The following TMEM132C variants were observed in gnomAD, a reference collection of about 807,000 sequenced individuals.
TMEM132C encodes transmembrane protein 132C.
A neutral mutation model predicts 61.4 loss-of-function variants in TMEM132C; 29 were observed. That is an observed-to-expected ratio of 0.47 (90% CI 0.35 to 0.64). The LOEUF is 0.64. TMEM132C is among the 30% of genes least tolerant of loss of function. The pLI, the probability that TMEM132C is intolerant of heterozygous loss-of-function variation, is 0.00. For synonymous variants in TMEM132C, 656 were observed against 633.1 expected (o/e 1.04, Z -0.54); for missense variants, 1,408 against 1,476.9 (o/e 0.95, Z 0.76).
intron 2 of TMEM132C, among the ~76,000 whole-genome samples, chr12:128,519,410 A>G (rs139944595): frequency 7.2e-5 from 11 of 152,342 alleles, no homozygotes; most frequent in African/African-American, 1.9e-4. Flanking sequence ...TCATCCTTAC[A>G]GTGAAGGCTG....
chr12:128,349,542 C>T (rs914135927), intron 1 of TMEM132C, among the ~76,000 whole-genome samples: 2 of 152,156 alleles, frequency 1.3e-5, no homozygotes, highest in African/African-American at 4.8e-5. Context: ...CCCTAAAATT[C>T]TATGAATATT....
At chr12:128,407,573 A>T (rs571880412) in intron 1 of TMEM132C, among the ~76,000 whole-genome samples, 3 of 152,152 alleles carry the variant, frequency 2.0e-5, no homozygotes, top group Non-Finnish European at 2.9e-5. Context: ...GGGCTGCCTG[A>T]TGCAGGATGG....
chr12:128,377,730 C>T lies in TMEM132C; in HGVS notation c.86-37002C>T, dbSNP rs141694264. Among the ~76,000 whole-genome samples the T allele has an allele frequency of 7.8e-3, 1,186 of 152,310 alleles. 17 individuals carry two copies. The highest frequency in any genetic ancestry group is 0.025 in the African/African-American group (1,048 of 41,560). On this transcript the variant is annotated intron_variant, in intron 1 of 8. Transcript: ENST00000435159. ...GTTTGTAAACCATCCCCGTCCTCTC[C>T]GCTGCCCAGCTCCTCATTGTTAGGT...
rs1431553729 is a variant in TMEM132C at position 128,267,505 on chromosome 12, G to C, written c.85+18G>C. 17 of 1,235,696 alleles carry C rather than the reference G, an allele frequency of 1.4e-5. No individual in the cohort carries two copies. Among genetic ancestry groups the C allele is most frequent in the South Asian group, 3.4e-5 (1 of 29,528 alleles). 76.5% of individuals were successfully genotyped at this position (1,235,696 alleles called of 1,614,324 possible). A position where few individuals can be genotyped will look rare whatever the true frequency, so the allele number is the denominator to read the frequency against. Reference sequence around the variant, plus strand: ...GGGCAAAGGTAAGGCCGGGGCGGGTGCCTGGCGCGCCGACGCATGCGAACT... The same window carrying C: ...GGGCAAAGGTAAGGCCGGGGCGGGTCCCTGGCGCGCCGACGCATGCGAACT... On this transcript the variant is annotated intron_variant, in intron 1 of 8. Transcript: ENST00000435159.
chr12:128,692,665 G>C (rs749903501), intron 5 of TMEM132C, among the ~76,000 whole-genome samples: 1 of 152,104 alleles, frequency 6.6e-6, no homozygotes, highest in South Asian at 2.1e-4. Flanking sequence ...GTCACAGTCC[G>C]CCCAGGTTAC....
chr12:128,540,075 A>T (rs1453486165), intron 2 of TMEM132C, among the ~76,000 whole-genome samples: 1 of 151,902 alleles, frequency 6.6e-6, no homozygotes, highest in Admixed American at 6.6e-5. Flanking sequence ...CTTCTTAGGA[A>T]ATTTCCTCAA....
chr12:128,530,723 A>G (rs897458531), intron 2 of TMEM132C, among the ~76,000 whole-genome samples: 1 of 152,202 alleles, frequency 6.6e-6, no homozygotes, highest in Non-Finnish European at 1.5e-5. Context: ...GATTATAGGC[A>G]TGAGCCACCA....
chr12:128,277,227 A>T (rs1870723881), intron 1 of TMEM132C, among the ~76,000 whole-genome samples: 1 of 152,222 alleles, frequency 6.6e-6, no homozygotes, highest in African/African-American at 2.4e-5. Context: ...GGAAAAAAAT[A>T]ATTTGTTCAG....
At position 128,340,821 on chromosome 12, in the gene TMEM132C, TTCTG is replaced by T. The variant is rs1414070882; in HGVS notation, c.85+73338_85+73341del. 3.3e-3 allele frequency among the ~76,000 whole-genome samples: 480 copies of T among 146,918 alleles called. 4 individuals carry two copies. Among genetic ancestry groups the T allele is most frequent in the African/African-American group, 0.012 (436 of 37,510 alleles). ...TCTCTTTCTTTCTTTCTCTCTTTCT[TTCTG>T]TCTTTCTCTCTCTCTCTTTCTCTCT... is the stretch of plus-strand genomic sequence containing the variant. On this transcript the variant is annotated intron_variant, in intron 1 of 8. Coordinates refer to ENST00000435159, the MANE Select transcript of TMEM132C (RefSeq NM_001136103.3).
chr12:128,395,860 G>A (rs2136004548), intron 1 of TMEM132C, among the ~76,000 whole-genome samples: 1 of 152,172 alleles, frequency 6.6e-6, no homozygotes, highest in South Asian at 2.1e-4. Context: ...AGGATGGGAA[G>A]AATATATAAA....
chr12:128,291,675 G>T (rs559202738), intron 1 of TMEM132C, among the ~76,000 whole-genome samples: 1 of 152,162 alleles, frequency 6.6e-6, no homozygotes, highest in Non-Finnish European at 1.5e-5. Context: ...GTCCTGTGCT[G>T]GTTGAGTGCC....
chr12:128,565,295 C>T (rs1565975858), intron 3 of TMEM132C, among the ~76,000 whole-genome samples: 1 of 152,202 alleles, frequency 6.6e-6, no homozygotes, highest in Admixed American at 6.5e-5. Flanking sequence ...ACCCCGGCCT[C>T]TCCTACCACC....
At chr12:128,512,160 T>C (rs1872586592) in intron 2 of TMEM132C, among the ~76,000 whole-genome samples, 2 of 151,968 alleles carry the variant, frequency 1.3e-5, no homozygotes, top group South Asian at 4.2e-4. Flanking sequence ...ATCATAACAA[T>C]TAAAAAGATA....
chr12:128,406,871 C>T (rs761006357), intron 1 of TMEM132C, among the ~76,000 whole-genome samples: 1 of 152,214 alleles, frequency 6.6e-6, no homozygotes, highest in Non-Finnish European at 1.5e-5. Flanking sequence ...CACAGCCAGG[C>T]ATGAGTTTCA....
intron 5 of TMEM132C, among the ~76,000 whole-genome samples, chr12:128,673,318 G>A (rs1359639248): frequency 6.6e-6 from 1 of 152,194 alleles, no homozygotes; most frequent in Admixed American, 6.5e-5. Context: ...TAGCAAGAAG[G>A]CAGCAGTCCG....
intron 1 of TMEM132C, among the ~76,000 whole-genome samples, chr12:128,323,818 G>A (rs1872417213): frequency 6.6e-6 from 1 of 152,162 alleles, no homozygotes; most frequent in Non-Finnish European, 1.5e-5. Context: ...GGACGCTTGG[G>A]TACCTGTGTG....
intron 1 of TMEM132C, among the ~76,000 whole-genome samples, chr12:128,377,079 G>GTAAACC (rs1874215681): frequency 6.6e-6 from 1 of 151,252 alleles, no homozygotes; most frequent in Non-Finnish European, 1.5e-5. Flanking sequence ...TTTTGAGATG[G>GTAAACC]AGTCTTGCTT....
intron 1 of TMEM132C, among the ~76,000 whole-genome samples, chr12:128,374,139 A>G (rs1363995434): frequency 1.3e-5 from 2 of 152,018 alleles, no homozygotes; most frequent in African/African-American, 4.8e-5. Context: ...CCGGGTGGGG[A>G]GGGGCTCAGC....
intron 1 of TMEM132C, among the ~76,000 whole-genome samples, chr12:128,279,063 T>C (rs1870794975): frequency 6.6e-6 from 1 of 152,116 alleles, no homozygotes; most frequent in South Asian, 2.1e-4. Flanking sequence ...TCTCTCCTTA[T>C]ATACTCACTC....
Sources: gnomAD v4.1 joint callset for allele counts (sites outside exome capture counted in the v4.1 genomes callset) on GRCh38, gnomAD v4.1.1 for gene constraint, MANE v1.5 for transcripts, NCBI Gene and HGNC (gene_info 2026-07-23, HGNC 2026-07-21) for gene names.